The following LTBP1 variants were observed in gnomAD, a reference collection of about 807,000 sequenced individuals.
LTBP1 encodes latent transforming growth factor beta binding protein 1, also known as latent-transforming growth factor beta-binding protein 1.
A neutral mutation model predicts 207.6 loss-of-function variants in LTBP1; 129 were observed. That is an observed-to-expected ratio of 0.62 (90% CI 0.54 to 0.72). The LOEUF is 0.72. Among genes scored for constraint, LTBP1 ranks in the 30% least tolerant of loss-of-function variants. LTBP1 has a pLI of 0.00. For missense variants in LTBP1, 2,281 were observed against 2,217.2 expected, an observed-to-expected ratio of 1.03 and a Z score of -0.58; for synonymous variants, 963 against 833.7, an observed-to-expected ratio of 1.16 and a Z score of -2.67.
intron 7 of LTBP1, among the ~76,000 whole-genome samples, chr2:33,189,058 C>T (rs1267158500): frequency 1.3e-5 from 2 of 152,168 alleles, no homozygotes; most frequent in African/African-American, 2.4e-5. Context: ...CATTTTCATG[C>T]GATGACTGCA....
intron 4 of LTBP1, among the ~76,000 whole-genome samples, chr2:33,116,458 T>C (rs1440030153): frequency 6.6e-6 from 1 of 152,190 alleles, no homozygotes. Context: ...CAGATATAGC[T>C]CTGGCTCTTA....
At chr2:33,241,442 G>A (rs953254006) in intron 9 of LTBP1, among the ~76,000 whole-genome samples, 1 of 152,162 alleles carries the variant, frequency 6.6e-6, no homozygotes, top group African/African-American at 2.4e-5. Context: ...CAAAGAAGGG[G>A]CATTGGAAGA....
At chr2:33,378,458 C>T (rs1259699303) in intron 31 of LTBP1, among the ~76,000 whole-genome samples, 1 of 152,062 alleles carries the variant, frequency 6.6e-6, no homozygotes, top group Non-Finnish European at 1.5e-5. Context: ...TTTCAAACTC[C>T]TGAGCTCAGG....
intron 24 of LTBP1, among the ~76,000 whole-genome samples, chr2:33,331,682 C>T (rs1181828237): frequency 6.6e-6 from 1 of 151,964 alleles, no homozygotes; most frequent in African/African-American, 2.4e-5. Context: ...GCGGCTGGAC[C>T]TATATGTCAA....
chr2:33,193,633 A>G (rs2088186143), intron 7 of LTBP1, among the ~76,000 whole-genome samples: 1 of 152,204 alleles, frequency 6.6e-6, no homozygotes, highest in African/African-American at 2.4e-5. Context: ...TTTTTCTGAC[A>G]GCATGCTCTC....
intron 24 of LTBP1, among the ~76,000 whole-genome samples, chr2:33,315,498 G>T (rs1371531712): frequency 6.6e-6 from 1 of 152,160 alleles, no homozygotes; most frequent in Admixed American, 6.5e-5. Flanking sequence ...ATGGCTCCAC[G>T]ACTGGTACTG....
chr2:33,024,892 G>A (rs1573158070), intron 3 of LTBP1, among the ~76,000 whole-genome samples: 2 of 152,352 alleles, frequency 1.3e-5, no homozygotes, highest in East Asian at 3.9e-4. Context: ...CAGCCAAGCA[G>A]TCAGCAGGGG....
chr2:33,082,358 A>G (rs989880116), intron 3 of LTBP1, among the ~76,000 whole-genome samples: 5 of 151,972 alleles, frequency 3.3e-5, no homozygotes, highest in African/African-American at 1.2e-4. Context: ...TAGCAGCACA[A>G]ACAGACTAGG....
At chr2:33,044,704 G>A (rs530371267) in intron 3 of LTBP1, among the ~76,000 whole-genome samples, 18 of 152,248 alleles carry the variant, frequency 1.2e-4, no homozygotes, top group African/African-American at 2.9e-4. Flanking sequence ...TTCCACAATC[G>A]TTTAACTAAT....
intron 5 of LTBP1, among the ~76,000 whole-genome samples, chr2:33,150,659 C>G (rs1294594299): frequency 6.8e-6 from 1 of 146,804 alleles, no homozygotes; most frequent in Non-Finnish European, 1.5e-5. Flanking sequence ...CCTTTTGTGA[C>G]TAGCTTATTT....
At chr2:33,346,250 T>G (rs1301212159) in intron 25 of LTBP1, among the ~76,000 whole-genome samples, 1 of 152,218 alleles carries the variant, frequency 6.6e-6, no homozygotes, top group Admixed American at 6.5e-5. Flanking sequence ...ATATGTAATC[T>G]GAATTCTATT....
chr2:33,003,075 C>G (rs1222378977), intron 2 of LTBP1, among the ~76,000 whole-genome samples: 1 of 152,184 alleles, frequency 6.6e-6, no homozygotes, highest in African/African-American at 2.4e-5. Context: ...TTCCTGAGTT[C>G]CAGACTTTGT....
At chr2:33,252,556 G>C (rs897454691) in intron 10 of LTBP1, 121 bp from the exon 11 acceptor site, 1 of 900,802 alleles carries the variant, frequency 1.1e-6, no homozygotes, top group Non-Finnish European at 1.6e-6. Context: ...TCTAAATCTA[G>C]ACAGATTTAT....
intron 5 of LTBP1, among the ~76,000 whole-genome samples, chr2:33,185,995 A>C (rs1469999895): frequency 3.9e-5 from 6 of 152,174 alleles, no homozygotes; most frequent in African/African-American, 1.2e-4. Context: ...CATAAGCTAA[A>C]ATAGCCAGAG....
At chr2:33,091,775 G>A (rs2079108244) in intron 3 of LTBP1, among the ~76,000 whole-genome samples, 2 of 152,160 alleles carry the variant, frequency 1.3e-5, no homozygotes, top group African/African-American at 4.8e-5. Context: ...CTTGGGTCTG[G>A]ATTTCCCAGT....
At chr2:33,348,555 A>G (rs1316000813) in intron 26 of LTBP1, among the ~76,000 whole-genome samples, 1 of 152,198 alleles carries the variant, frequency 6.6e-6, no homozygotes, top group East Asian at 1.9e-4. Context: ...AAAACAAACC[A>G]AAAAACAAAA....
At position 33,301,400 on chromosome 2, in the gene LTBP1, C is replaced by G. The variant is rs576998529; in HGVS notation, c.3359-122C>G. On this transcript the variant is annotated intron_variant, in intron 21 of 33. Transcript: ENST00000404816. ...AGATAGTATTACAAAAGCGACAATA[C>G]ATGATGGTCATTACTTGTATCAACA... 3.4e-6 allele frequency: 4 copies of G among 1,176,224 alleles called. No homozygotes were observed. In the Admixed American group the frequency reaches 1.1e-4, roughly 31 times the overall value. The allele number at this position is 1,176,224 out of a possible 1,614,324, so 72.9% of individuals were successfully genotyped here. A position where few individuals can be genotyped will look rare whatever the true frequency, so the allele number is the denominator to read the frequency against.
chr2:33,081,558 A>G (rs1451328575), intron 3 of LTBP1, among the ~76,000 whole-genome samples: 1 of 152,116 alleles, frequency 6.6e-6, no homozygotes, highest in African/African-American at 2.4e-5. Context: ...CGGGCTCTGT[A>G]ATGTTGAAAG....
intron 5 of LTBP1, among the ~76,000 whole-genome samples, chr2:33,143,455 C>G (rs1026164106): frequency 6.6e-6 from 1 of 152,164 alleles, no homozygotes; most frequent in Non-Finnish European, 1.5e-5. Context: ...CATTAGTTCT[C>G]AGGCAAGTAA....
Sources: allele counts gnomAD v4.1 joint callset (sites outside exome capture counted in the v4.1 genomes callset), GRCh38; gene constraint gnomAD v4.1.1; transcripts MANE v1.5; gene names NCBI Gene and HGNC (gene_info 2026-07-23, HGNC 2026-07-21).